The following NBAS variants were observed in gnomAD, a reference collection of about 807,000 sequenced individuals.
NBAS encodes NAG/BC035112 fusion.
Under a neutral mutation model 302.5 loss-of-function variants are expected in NBAS, and 219 were observed. That is an observed-to-expected ratio of 0.72 (90% CI 0.65 to 0.81). NBAS has a LOEUF of 0.81. NBAS is among the 30% of genes least tolerant of loss of function. NBAS has a pLI of 0.00. For missense variants in NBAS, 2,932 were observed against 2,841.6 expected, an observed-to-expected ratio of 1.03 and a Z score of -0.72; for synonymous variants, 1,118 against 1,021.6, an observed-to-expected ratio of 1.09 and a Z score of -1.80.
At chr2:15,324,977 C>T (rs1210551758) in intron 38 of NBAS, among the ~76,000 whole-genome samples, 2 of 152,142 alleles carry the variant, frequency 1.3e-5, no homozygotes, top group East Asian at 3.8e-4. Flanking sequence ...CTCTCAAGGG[C>T]CTAATTGCTT....
In NBAS at chr2:15,181,098, T is replaced by C. The variant is rs141945531; in HGVS notation, c.6712-1982A>G. 9.2e-5 allele frequency among the ~76,000 whole-genome samples: 14 copies of C among 152,362 alleles called. No individual in the cohort carries two copies. The East Asian group carries it at 2.5e-3, about 27-fold the overall frequency. On this transcript the variant is annotated intron_variant, in intron 50 of 51. Coordinates refer to ENST00000281513, the MANE Select transcript of NBAS (RefSeq NM_015909.4). ...GGGCAAGAATATTGTTCCTTCTCTG[T>C]ATTCTAAACTTGCTTGGTACATGCC...
chr2:15,474,398 T>C, intron 14 of NBAS, 74 bp from the exon 15 acceptor site: 1 of 1,393,964 alleles, frequency 7.2e-7, no homozygotes, highest in Non-Finnish European at 9.8e-7. Flanking sequence ...TGAAAGAAAA[T>C]ATATTTCTAA....
chr2:14,921,577 TC>T, the NBAS span, among the ~76,000 whole-genome samples: 1 of 152,220 alleles, frequency 6.6e-6, no homozygotes, highest in Non-Finnish European at 1.5e-5. Context: ...TGTTGTGATG[TC>T]CTTTCTAATC....
chr2:15,030,465 T>G, the NBAS span, among the ~76,000 whole-genome samples: 1 of 152,210 alleles, frequency 6.6e-6, no homozygotes, highest in Non-Finnish European at 1.5e-5. Context: ...CTGATGAGTT[T>G]CCCAGGCACA....
At chr2:15,556,639 G>T in intron 3 of NBAS, 144 bp downstream of exon 3, 1 of 753,568 alleles carries the variant, frequency 1.3e-6, no homozygotes, top group Non-Finnish European at 2.3e-6. Flanking sequence ...CTACCTAAAT[G>T]TTTGAAATGT....
intron 18 of NBAS, 113 bp downstream of exon 18, chr2:15,467,551 C>T (rs1679776318): frequency 4.7e-6 from 6 of 1,289,442 alleles, no homozygotes; most frequent in South Asian, 2.5e-5. Context: ...ATAGTAAGTA[C>T]ATTTGATCTA....
intron 10 of NBAS, among the ~76,000 whole-genome samples, chr2:15,507,408 C>G (rs1055780425): frequency 1.3e-5 from 2 of 151,974 alleles, no homozygotes; most frequent in East Asian, 3.8e-4. Flanking sequence ...ATTGAAAAAG[C>G]AGCAGCAGCA....
intron 42 of NBAS, among the ~76,000 whole-genome samples, chr2:15,278,607 G>C (rs1433817260): frequency 6.6e-6 from 1 of 152,100 alleles, no homozygotes; most frequent in African/African-American, 2.4e-5. Flanking sequence ...CAAAAAATTA[G>C]GTGTCCTCTA....
chr2:14,811,803 G>C, the NBAS span, among the ~76,000 whole-genome samples: 1 of 152,092 alleles, frequency 6.6e-6, no homozygotes, highest in South Asian at 2.1e-4. Context: ...GTAAGAAGGA[G>C]GTAGGTAAGA....
chr2:15,035,410 A>G, the NBAS span, among the ~76,000 whole-genome samples: 4 of 152,304 alleles, frequency 2.6e-5, no homozygotes, highest in Admixed American at 6.5e-5. Context: ...AGTCAGTTCA[A>G]CCATTGTGGA....
intron 19 of NBAS, 87 bp downstream of exon 19, chr2:15,467,242 C>G (rs923701901): frequency 1.1e-4 from 110 of 999,086 alleles, no homozygotes; most frequent in Middle Eastern, 6.7e-4. Flanking sequence ...GTTCTAAAGA[C>G]CAAGAATATC....
chr2:15,305,555 G>A (rs188501102), intron 40 of NBAS, among the ~76,000 whole-genome samples: 205 of 149,728 alleles, frequency 1.4e-3, no homozygotes, highest in Admixed American at 3.3e-3. Flanking sequence ...AGATTCAAGC[G>A]ATTCGCCTGC....
chr2:15,327,226 A>G (rs1221108709), intron 38 of NBAS, among the ~76,000 whole-genome samples: 1 of 152,106 alleles, frequency 6.6e-6, no homozygotes, highest in Non-Finnish European at 1.5e-5. Context: ...GAGCAGAGAG[A>G]GGGGGAATTC....
chr2:14,797,084 G>GAC, the NBAS span, among the ~76,000 whole-genome samples: 3 of 125,550 alleles, frequency 2.4e-5, no homozygotes, highest in Admixed American at 1.6e-4. Context: ...CACAGAGCGA[G>GAC]ACTCCGTCTC....
At chr2:14,900,554 C>T in the NBAS span, among the ~76,000 whole-genome samples, 8 of 152,252 alleles carry the variant, frequency 5.3e-5, no homozygotes, top group African/African-American at 9.6e-5. Context: ...CCCAAATCTC[C>T]GCACCTATAA....
the NBAS span, among the ~76,000 whole-genome samples, chr2:14,842,033 C>G: frequency 6.6e-6 from 1 of 151,788 alleles, no homozygotes; most frequent in Non-Finnish European, 1.5e-5. Context: ...ATAATGAGAG[C>G]AACCTCAGAA....
chr2:15,356,326 T>G lies in NBAS; in HGVS notation c.3908A>C (p.His1303Pro). Residue 1303 changes from histidine to proline, a missense_variant, in exon 33 of 52, where the codon CAT (histidine) becomes CCT (proline). By Grantham distance (77) the His-to-Pro change is moderately conservative (BLOSUM62 -2). Coordinates refer to ENST00000281513, the MANE Select transcript of NBAS (RefSeq NM_015909.4). ...ACCTGTGGCCATCAGCTCCTGACAATGCATACTGGCTGCTTTGTAGTCATG... is the reference window on the plus strand; with the variant it reads ...ACCTGTGGCCATCAGCTCCTGACAAGGCATACTGGCTGCTTTGTAGTCATG... Reference protein sequence around the residue: ...RFHDYKAASMHCQELMATGYP... With the variant: ...RFHDYKAASMPCQELMATGYP... 1.2e-6 allele frequency: 2 copies of G among 1,613,676 alleles called. No individual in the cohort carries two copies. Among genetic ancestry groups the G allele is most frequent in the Non-Finnish European group, 1.7e-6 (2 of 1,179,650 alleles).
chr2:15,447,579 T>C (rs1452012282), intron 21 of NBAS, among the ~76,000 whole-genome samples: 1 of 152,166 alleles, frequency 6.6e-6, no homozygotes, highest in Non-Finnish European at 1.5e-5. Context: ...TGGTGAAAAT[T>C]CATCAAGTTG....
chr2:14,927,346 T>C, the NBAS span, among the ~76,000 whole-genome samples: 13 of 152,360 alleles, frequency 8.5e-5, no homozygotes, highest in East Asian at 2.5e-3. Context: ...TATGACCGGC[T>C]TGACTCAGCA....
Sources: gnomAD v4.1 joint callset for allele counts (sites outside exome capture counted in the v4.1 genomes callset) on GRCh38, gnomAD v4.1.1 for gene constraint, MANE v1.5 for transcripts, NCBI Gene and HGNC (gene_info 2026-07-23, HGNC 2026-07-21) for gene names.